ADGB: variants seen among roughly 807,000 people sequenced by gnomAD.
ADGB encodes the protein calpain-7-like protein.
ADGB carries 172 observed loss-of-function variants against 210.5 expected under a neutral mutation model. The ratio of observed to expected loss-of-function variants is 0.82; its 90% confidence interval spans 0.72 to 0.93. The LOEUF (loss-of-function observed/expected upper bound fraction) is 0.93, where lower values mean the gene tolerates loss of function less well. Among genes scored for constraint, ADGB ranks in the 40% least tolerant of loss-of-function variants. The probability of loss-of-function intolerance (pLI) is 0.00; values close to 1 mark genes in which losing one functional copy is unlikely to be tolerated. For synonymous variants in ADGB, 658 were observed against 662.7 expected (o/e 0.99, Z 0.11); for missense variants, 2,025 against 1,964.8 (o/e 1.03, Z -0.58).
intron 28 of ADGB, among the ~76,000 whole-genome samples, chr6:146,765,097 C>T (rs938000705): frequency 6.6e-6 from 1 of 152,048 alleles, no homozygotes; most frequent in East Asian, 1.9e-4. Context: ...CCGTGCCTGG[C>T]CTGATGATAG....
chr6:146,604,435 G>T (rs1410319281), intron 1 of ADGB, among the ~76,000 whole-genome samples: 1 of 152,032 alleles, frequency 6.6e-6, no homozygotes, highest in Non-Finnish European at 1.5e-5. Flanking sequence ...ATCAGCCTTT[G>T]TGGCCCCCCT....
chr6:146,621,790 T>G (rs1356714358), intron 1 of ADGB, among the ~76,000 whole-genome samples: 2 of 152,170 alleles, frequency 1.3e-5, no homozygotes, highest in Admixed American at 6.5e-5. Context: ...TTCCATGATT[T>G]TTTTTCATTT....
At chr6:146,655,015 T>A (rs1170411869) in intron 4 of ADGB, among the ~76,000 whole-genome samples, 2 of 152,168 alleles carry the variant, frequency 1.3e-5, no homozygotes, top group African/African-American at 4.8e-5. Context: ...TTTCTCAGAC[T>A]TTTGTATTTT....
At chr6:146,814,797 T>G (rs560037934) in intron 35 of ADGB, among the ~76,000 whole-genome samples, 1 of 152,332 alleles carries the variant, frequency 6.6e-6, no homozygotes, top group Admixed American at 6.5e-5. Flanking sequence ...ATGTTTTGAC[T>G]ATTTTTTCTA....
At chr6:146,631,034 C>A (rs966669637) in intron 1 of ADGB, among the ~76,000 whole-genome samples, 2 of 152,008 alleles carry the variant, frequency 1.3e-5, no homozygotes, top group Non-Finnish European at 2.9e-5. Context: ...AAAGAATATA[C>A]AAAATATTGG....
intron 8 of ADGB, among the ~76,000 whole-genome samples, chr6:146,673,967 G>A (rs1776049560): frequency 6.6e-6 from 1 of 152,136 alleles, no homozygotes; most frequent in Non-Finnish European, 1.5e-5. Flanking sequence ...CTAAGAGGTT[G>A]GTACAAAATG....
At chr6:146,753,331 G>A (rs536202136) in intron 27 of ADGB, among the ~76,000 whole-genome samples, 1 of 151,990 alleles carries the variant, frequency 6.6e-6, no homozygotes, top group African/African-American at 2.4e-5. Context: ...TAAATATTTT[G>A]GCTTTTATGC....
chr6:146,741,668 G>T (rs1277470405), intron 25 of ADGB, among the ~76,000 whole-genome samples: 1 of 152,042 alleles, frequency 6.6e-6, no homozygotes, highest in African/African-American at 2.4e-5. Context: ...GTATATTTCA[G>T]AAAATTGTAG....
chr6:146,718,225 T>C (rs1776762595), intron 16 of ADGB, among the ~76,000 whole-genome samples: 1 of 151,492 alleles, frequency 6.6e-6, no homozygotes. Context: ...CATGCGCCTG[T>C]AATCTCAGCT....
chr6:146,728,834 A>G, intron 20 of ADGB, 93 bp downstream of exon 20: 1 of 1,084,924 alleles, frequency 9.2e-7, no homozygotes, highest in East Asian at 2.7e-5. Flanking sequence ...TCAGAGCCAG[A>G]GAAAATATTT....
intron 11 of ADGB, among the ~76,000 whole-genome samples, 155 bp downstream of exon 11, chr6:146,691,445 A>AAT (rs1177982842): frequency 1.2e-3 from 20 of 16,436 alleles, no homozygotes; most frequent in African/African-American, 5.8e-3. Context: ...TATATATAAA[A>AAT]ATATATATAT....
intron 1 of ADGB, among the ~76,000 whole-genome samples, chr6:146,622,904 G>T (rs925676872): frequency 7.2e-5 from 11 of 151,974 alleles, no homozygotes; most frequent in Admixed American, 5.2e-4. Flanking sequence ...AGCGTAAATT[G>T]ATGTTTATTT....
At chr6:146,697,036 A>C (rs1292973351) in intron 12 of ADGB, among the ~76,000 whole-genome samples, 1 of 152,178 alleles carries the variant, frequency 6.6e-6, no homozygotes, top group Non-Finnish European at 1.5e-5. Flanking sequence ...AAATGTGGAA[A>C]ACTGGGTGTG....
At position 146,779,825 on chromosome 6, in the gene ADGB, T is replaced by C. The variant is rs1777773355; in HGVS notation, c.3863-2195T>C. On this transcript the variant is annotated intron_variant, in intron 29 of 35. Coordinates refer to ENST00000397944, the MANE Select transcript of ADGB (RefSeq NM_024694.4). The stretch of plus-strand genomic sequence containing the variant: ...GAAGCAGTTTGTTTTGAAAACAAAC[T>C]TGCCCTACAAAAGTACTACAGGAAG... Among the ~76,000 whole-genome samples, 5 of 149,956 alleles carry C rather than the reference T, an allele frequency of 3.3e-5. No individual in the cohort carries two copies. The South Asian group carries it at 1.1e-3, about 32-fold the overall frequency.
intron 35 of ADGB, chr6:146,803,100 C>T (rs766443232): frequency 3.5e-5 from 53 of 1,521,564 alleles, no homozygotes; most frequent in Non-Finnish European, 1.5e-5. Context: ...TTCCTGTAAA[C>T]AATTGGTGAG....
chr6:146,676,760 G>T, intron 9 of ADGB, among the ~76,000 whole-genome samples: 1 of 152,124 alleles, frequency 6.6e-6, no homozygotes, highest in East Asian at 1.9e-4. Flanking sequence ...TAAATTCAAA[G>T]TTACTTGTTT....
chr6:146,682,732 G>A (rs1776174644), intron 9 of ADGB, among the ~76,000 whole-genome samples: 1 of 152,064 alleles, frequency 6.6e-6, no homozygotes, highest in Non-Finnish European at 1.5e-5. Flanking sequence ...TTCCAATATT[G>A]CAGAATCACA....
intron 1 of ADGB, among the ~76,000 whole-genome samples, chr6:146,609,022 T>C (rs1412710377): frequency 6.6e-6 from 1 of 152,218 alleles, no homozygotes; most frequent in Non-Finnish European, 1.5e-5. Context: ...CATAGTTCTC[T>C]AGGAACTTGT....
At chr6:146,794,345 G>T (rs1204055391) in intron 33 of ADGB, among the ~76,000 whole-genome samples, 1 of 152,134 alleles carries the variant, frequency 6.6e-6, no homozygotes, top group African/African-American at 2.4e-5. Context: ...CCGGTGAGTG[G>T]CTGGAAAGGG....
Sources: allele counts gnomAD v4.1 joint callset (sites outside exome capture counted in the v4.1 genomes callset), GRCh38; gene constraint gnomAD v4.1.1; transcripts MANE v1.5; gene names NCBI Gene and HGNC (gene_info 2026-07-23, HGNC 2026-07-21).